Variants in RORA observed in about 807,000 individuals in gnomAD.
RORA encodes the protein RAR related orphan receptor A, also known as nuclear receptor ROR-alpha.
Under a neutral mutation model 69.5 loss-of-function variants are expected in RORA, and 7 were observed. The ratio of observed to expected loss-of-function variants is 0.10; its 90% CI spans 0.06 to 0.19. RORA has a LOEUF of 0.19. RORA is among the 10% of genes least tolerant of loss of function. RORA has a pLI of 1.00. For missense variants in RORA, 457 were observed against 663.0 expected (o/e 0.69, Z 3.41); for synonymous variants, 261 against 240.8 (o/e 1.08, Z -0.78).
At chr15:60,499,200 G>A (rs1432182128) in intron 10 of RORA, among the ~76,000 whole-genome samples, 1 of 152,150 alleles carries the variant, frequency 6.6e-6, no homozygotes, top group African/African-American at 2.4e-5. Flanking sequence ...TGGTCATCCT[G>A]ATTAAGTCTT....
At chr15:61,122,675 A>G (rs1341392001) in intron 1 of RORA, among the ~76,000 whole-genome samples, 3 of 152,044 alleles carry the variant, frequency 2.0e-5, no homozygotes, top group African/African-American at 2.4e-5. Flanking sequence ...TTACACAGCT[A>G]GTAAGGGGTG....
At chr15:61,162,169 G>A (rs768470436) in intron 1 of RORA, among the ~76,000 whole-genome samples, 1 of 152,112 alleles carries the variant, frequency 6.6e-6, no homozygotes, top group Non-Finnish European at 1.5e-5. Flanking sequence ...TGATATAGCT[G>A]TTATGATCTG....
intron 1 of RORA, among the ~76,000 whole-genome samples, chr15:60,828,810 G>A (rs970435528): frequency 1.3e-5 from 2 of 152,040 alleles, no homozygotes; most frequent in African/African-American, 2.4e-5. Flanking sequence ...ATCAGACAAC[G>A]GCTCTCCACC....
chr15:60,740,723 G>A (rs1356670835), intron 1 of RORA, among the ~76,000 whole-genome samples: 5 of 152,220 alleles, frequency 3.3e-5, no homozygotes, highest in Non-Finnish European at 5.9e-5. Context: ...TTAAAAAAAT[G>A]TGACATTGTT....
intron 2 of RORA, among the ~76,000 whole-genome samples, chr15:60,586,223 A>G (rs1395168604): frequency 2.0e-5 from 3 of 152,176 alleles, no homozygotes; most frequent in African/African-American, 7.2e-5. Flanking sequence ...TTTTAAAACA[A>G]AAGTTTTTCA....
At chr15:60,620,491 TTAAG>T (rs2069375566) in intron 2 of RORA, among the ~76,000 whole-genome samples, 2 of 152,314 alleles carry the variant, frequency 1.3e-5, no homozygotes, top group African/African-American at 4.8e-5. Context: ...AAAATAAAAA[TTAAG>T]TAACATGGTA....
intron 1 of RORA, among the ~76,000 whole-genome samples, chr15:60,862,707 C>T (rs1159958430): frequency 6.6e-6 from 1 of 152,200 alleles, no homozygotes; most frequent in Non-Finnish European, 1.5e-5. Context: ...AGAACAGCTT[C>T]CCTTCCCAGA....
intron 1 of RORA, among the ~76,000 whole-genome samples, chr15:61,123,011 A>T (rs1596008360): frequency 6.6e-6 from 1 of 152,160 alleles, no homozygotes; most frequent in Non-Finnish European, 1.5e-5. Flanking sequence ...ATTTTTCCTC[A>T]TAAGAAAATT....
intron 1 of RORA, among the ~76,000 whole-genome samples, chr15:60,980,174 T>G (rs2140359572): frequency 6.6e-6 from 1 of 152,344 alleles, no homozygotes; most frequent in South Asian, 2.1e-4. Flanking sequence ...TAATATGGTA[T>G]ATTGCATTGA....
At chr15:60,716,813 G>A (rs2071226127) in intron 1 of RORA, among the ~76,000 whole-genome samples, 1 of 152,178 alleles carries the variant, frequency 6.6e-6, no homozygotes, top group South Asian at 2.1e-4. Flanking sequence ...TGAATATGTG[G>A]AGGTTCCTGG....
At chr15:60,744,852 T>C (rs979814030) in intron 1 of RORA, among the ~76,000 whole-genome samples, 1 of 152,156 alleles carries the variant, frequency 6.6e-6, no homozygotes, top group Non-Finnish European at 1.5e-5. Flanking sequence ...CAGGGAGGAA[T>C]AAACTCAGTC....
intron 1 of RORA, among the ~76,000 whole-genome samples, chr15:60,845,987 C>T (rs1406155889): frequency 4.6e-5 from 7 of 152,122 alleles, no homozygotes; most frequent in African/African-American, 4.8e-5. Context: ...CCTCGTGATC[C>T]GCTCCCCTCG....
chr15:61,002,975 C>CAAAAAAAAA (rs59966691), intron 1 of RORA, among the ~76,000 whole-genome samples: 2 of 116,998 alleles, frequency 1.7e-5, no homozygotes, highest in Non-Finnish European at 1.8e-5. Flanking sequence ...ACTAAAAATA[C>CAAAAAAAAA]AAAAAAAAAA....
chr15:61,158,483 T>A (rs555315882), intron 1 of RORA, among the ~76,000 whole-genome samples: 44 of 152,310 alleles, frequency 2.9e-4, no homozygotes, highest in African/African-American at 1.0e-3. Context: ...TAACCTATTT[T>A]ATGTCTAAAT....
At chr15:60,557,955 A>G in intron 2 of RORA, 1 of 275,256 alleles carries the variant, frequency 3.6e-6, no homozygotes, top group Non-Finnish European at 6.7e-6. Context: ...AATCGAATTT[A>G]CTTTCTTGAT....
At chr15:61,070,763 A>C (rs184999123) in intron 1 of RORA, among the ~76,000 whole-genome samples, 9 of 152,312 alleles carry the variant, frequency 5.9e-5, no homozygotes, top group Admixed American at 5.9e-4. Flanking sequence ...TTTGTACTCA[A>C]ACTGAAGGCT....
intron 2 of RORA, among the ~76,000 whole-genome samples, chr15:60,561,710 T>C (rs548564502): frequency 1.9e-4 from 29 of 152,108 alleles, no homozygotes; most frequent in Middle Eastern, 6.8e-3. Flanking sequence ...ACTATATCCA[T>C]TGAGAAAAGA....
At chr15:60,984,982 T>G (rs1401445633) in intron 1 of RORA, among the ~76,000 whole-genome samples, 7 of 151,546 alleles carry the variant, frequency 4.6e-5, no homozygotes, top group Middle Eastern at 3.4e-3. Flanking sequence ...AGGTTTGGGC[T>G]ACATTTATTG....
Position 61,092,474 on chromosome 15 carries a change from T to C in RORA, c.166+136579A>G, listed in dbSNP as rs576768977. 2.0e-5 allele frequency among the ~76,000 whole-genome samples: 3 copies of C among 152,306 alleles called. No individual in the cohort carries two copies. In the South Asian group the frequency reaches 6.2e-4, roughly 32 times the overall value. ...AGCAAAATTACTTGGCAAACACCAC[T>C]TTATCAAGTATAAATCAGATATGCT... On this transcript the variant is annotated intron_variant, in intron 1 of 10. Transcript: ENST00000335670.
Sources: gnomAD v4.1 joint callset for allele counts (sites outside exome capture counted in the v4.1 genomes callset) on GRCh38, gnomAD v4.1.1 for gene constraint, MANE v1.5 for transcripts, NCBI Gene and HGNC (gene_info 2026-07-23, HGNC 2026-07-21) for gene names.